PAK3: variants seen among roughly 807,000 people sequenced by gnomAD.
The protein encoded by PAK3 is p21 (RAC1) activated kinase 3, also known as serine/threonine-protein kinase PAK 3.
Under a neutral mutation model 41.0 loss-of-function variants are expected in PAK3, and 4 were observed. That is an observed-to-expected ratio of 0.10 (90% CI 0.05 to 0.22). The LOEUF is 0.22. PAK3 is among the 10% of genes least tolerant of loss of function. PAK3 has a pLI of 1.00. For synonymous variants in PAK3, 146 were observed against 139.6 expected, an observed-to-expected ratio of 1.05 and a Z score of -0.32; for missense variants, 205 against 409.9, an observed-to-expected ratio of 0.50 and a Z score of 4.32.
At chrX:111,132,535 G>A (rs1465504247) in intron 5 of PAK3, among the ~76,000 whole-genome samples, 1 of 110,816 alleles carries the variant, frequency 9.0e-6, no homozygotes, top group Non-Finnish European at 1.9e-5. Flanking sequence ...TCCCAGGAGG[G>A]CCTCGACCCC....
intron 1 of PAK3, among the ~76,000 whole-genome samples, chrX:111,030,154 G>A (rs1304256015): frequency 1.8e-5 from 2 of 111,434 alleles, no homozygotes; most frequent in Non-Finnish European, 3.8e-5. Flanking sequence ...TTTTATGGGA[G>A]TAAATGATAA....
At chrX:111,196,268 A>T (rs760898381) in intron 15 of PAK3, among the ~76,000 whole-genome samples, 176 bp from the exon 16 acceptor site, 1 of 112,394 alleles carries the variant, frequency 8.9e-6, no homozygotes, top group East Asian at 2.8e-4. Flanking sequence ...TTAGTCAATT[A>T]TTTCAGACCT....
At chrX:111,191,946 A>G (rs1045670344) in intron 11 of PAK3, among the ~76,000 whole-genome samples, 181 bp from the exon 12 acceptor site, 1 of 111,136 alleles carries the variant, frequency 9.0e-6, no homozygotes, top group African/African-American at 3.3e-5. Context: ...TTAAGAGGGT[A>G]GATCGCCTGT....
chrX:111,068,762 C>T (rs1167645157), intron 1 of PAK3, among the ~76,000 whole-genome samples: 1 of 112,935 alleles, frequency 8.9e-6, no homozygotes, highest in Non-Finnish European at 1.9e-5. Context: ...TGGATATATA[C>T]TTCACTCATC....
chrX:110,994,590 T>C (rs889179918), intron 1 of PAK3, among the ~76,000 whole-genome samples: 2 of 111,850 alleles, frequency 1.8e-5, no homozygotes, highest in African/African-American at 6.5e-5. Flanking sequence ...CTCCTCCTTT[T>C]TCATGTTCAC....
At chrX:111,080,294 C>T (rs2092823565) in intron 1 of PAK3, among the ~76,000 whole-genome samples, 1 of 111,416 alleles carries the variant, frequency 9.0e-6, no homozygotes, top group South Asian at 3.8e-4. Context: ...ATTTCCACAG[C>T]CCCCCAATCT....
At chrX:111,025,436 C>T (rs112438823) in intron 1 of PAK3, among the ~76,000 whole-genome samples, 2,153 of 111,333 alleles carry the variant, frequency 0.019, 54 homozygotes, top group African/African-American at 0.067. Flanking sequence ...CAAATAAACA[C>T]AATTAGAAAC....
At chrX:111,149,686 G>C (rs766110617) in intron 7 of PAK3, among the ~76,000 whole-genome samples, 2 of 111,974 alleles carry the variant, frequency 1.8e-5, no homozygotes, top group Non-Finnish European at 3.8e-5. Flanking sequence ...GATTAGCTGG[G>C]ACACAGGGCA....
chrX:110,947,823 C>T (rs2090651447), intron 1 of PAK3, among the ~76,000 whole-genome samples: 1 of 111,013 alleles, frequency 9.0e-6, no homozygotes, highest in Non-Finnish European at 1.9e-5. Context: ...GCTGGGTAAG[C>T]TTGGATGACT....
intron 1 of PAK3, among the ~76,000 whole-genome samples, chrX:111,066,078 C>A (rs2092699627): frequency 9.0e-6 from 1 of 111,451 alleles, no homozygotes; most frequent in African/African-American, 3.2e-5. Flanking sequence ...TTATTTATTT[C>A]TTTTCTTCTG....
At chrX:111,016,506 T>C (rs1223399519) in intron 1 of PAK3, among the ~76,000 whole-genome samples, 2 of 111,146 alleles carry the variant, frequency 1.8e-5, no homozygotes, top group Non-Finnish European at 3.8e-5. Flanking sequence ...TGTGTGTGTG[T>C]GTGTGTGTAC....
At chrX:111,210,549 C>G (rs1043798197) in intron 16 of PAK3, among the ~76,000 whole-genome samples, 1 of 111,764 alleles carries the variant, frequency 8.9e-6, no homozygotes, top group Non-Finnish European at 1.9e-5. Context: ...TTTAATAGGT[C>G]ACTTTTAGGT....
rs1327774570 is a variant in PAK3, at chrX:111,222,088, G to T, written c.*1641G>T. On this transcript the variant is annotated 3_prime_UTR_variant, in exon 18 of 18. Coordinates refer to ENST00000372007, the MANE Select transcript of PAK3 (RefSeq NM_002578.5). ...ACAATTTTGTAAATTACAGAAAGTTGTTTCTCTAAGCCTTTGAAAAACTAA... is the reference window on the plus strand; with the variant it reads ...ACAATTTTGTAAATTACAGAAAGTTTTTTCTCTAAGCCTTTGAAAAACTAA... The T allele has an allele frequency of 8.9e-6, 1 of 111,814 alleles. No homozygotes were observed. The highest frequency in any genetic ancestry group is 3.2e-5 in the African/African-American group (1 of 30,805). 9.2% of individuals were successfully genotyped at this position (111,814 alleles called of 1,213,427 possible). A position where few individuals can be genotyped will look rare whatever the true frequency, so the allele number is the denominator to read the frequency against.
chrX:111,211,484 T>C (rs1475662512), intron 16 of PAK3, among the ~76,000 whole-genome samples: 1 of 109,740 alleles, frequency 9.1e-6, no homozygotes, highest in Non-Finnish European at 1.9e-5. Context: ...AAGACCATCC[T>C]GGTCAACATG....
chrX:110,949,563 G>T (rs1307356528), intron 1 of PAK3, among the ~76,000 whole-genome samples: 1 of 110,959 alleles, frequency 9.0e-6, no homozygotes, highest in East Asian at 2.9e-4. Context: ...GCTTGCTGTT[G>T]GTATTGGTAC....
At chrX:111,034,289 G>A (rs2092371380) in intron 1 of PAK3, among the ~76,000 whole-genome samples, 1 of 110,468 alleles carries the variant, frequency 9.1e-6, no homozygotes, top group African/African-American at 3.3e-5. Flanking sequence ...GAGATAGAGA[G>A]ACAGAGAAAC....
chrX:111,208,614 G>A (rs2094782378), intron 16 of PAK3, among the ~76,000 whole-genome samples: 1 of 112,327 alleles, frequency 8.9e-6, no homozygotes. Flanking sequence ...TAGCCTAGGA[G>A]CAATAGGCTG....
chrX:111,001,300 G>A (rs2091844223), intron 1 of PAK3, among the ~76,000 whole-genome samples: 2 of 112,232 alleles, frequency 1.8e-5, no homozygotes. Context: ...TGAAGGGAAG[G>A]AAAGAGCAGG....
At chrX:111,195,009 T>C (rs951248951) in intron 14 of PAK3, among the ~76,000 whole-genome samples, 1 of 112,040 alleles carries the variant, frequency 8.9e-6, no homozygotes, top group Non-Finnish European at 1.9e-5. Flanking sequence ...TTGTTGAATA[T>C]TAAAAAACAC....
Sources: allele counts gnomAD v4.1 joint callset (sites outside exome capture counted in the v4.1 genomes callset), GRCh38; gene constraint gnomAD v4.1.1; transcripts MANE v1.5; gene names NCBI Gene and HGNC (gene_info 2026-07-23, HGNC 2026-07-21).